Variants in PFKP observed in about 807,000 individuals in gnomAD.
PFKP encodes ATP-dependent 6-phosphofructokinase, platelet type.
Under a neutral mutation model 94.3 loss-of-function variants are expected in PFKP, and 101 were observed. That is an observed-to-expected ratio of 1.07 (90% CI 0.91 to 1.26). The LOEUF (loss-of-function observed/expected upper bound fraction) is 1.26, where lower values mean the gene tolerates loss of function less well. PFKP is among the 50% of genes most tolerant of loss of function. The pLI is 0.00. For missense variants in PFKP, 1,145 were observed against 1,103.3 expected, an observed-to-expected ratio of 1.04 and a Z score of -0.53; for synonymous variants, 573 against 432.6, an observed-to-expected ratio of 1.32 and a Z score of -4.03.
intron 20 of PFKP, among the ~76,000 whole-genome samples, 198 bp from the exon 21 acceptor site, chr10:3,135,538 G>C (rs2306315): frequency 1.3e-5 from 2 of 151,936 alleles, no homozygotes; most frequent in Non-Finnish European, 2.9e-5. Flanking sequence ...GGAAGCCCTC[G>C]GGGCAGTCCC....
intron 16 of PFKP, 127 bp from the exon 17 acceptor site, chr10:3,129,692 G>A (rs920163933): frequency 6.3e-5 from 61 of 969,608 alleles, no homozygotes; most frequent in Admixed American, 9.7e-5. Flanking sequence ...TCACCTCTGC[G>A]GGATGCTGGG....
intron 16 of PFKP, among the ~76,000 whole-genome samples, chr10:3,122,700 A>G (rs6602029): frequency 0.71 from 107,912 of 152,114 alleles, 38,387 homozygotes; most frequent in South Asian, 0.77. Flanking sequence ...GACTCATGGC[A>G]TGGCCCTGGG....
In PFKP at chr10:3,069,461, G is replaced by A. The variant is rs562748252; in HGVS notation, c.112+1754G>A. The A allele has an allele frequency of 4.0e-5, 56 of 1,409,546 alleles. No homozygotes were observed. In the South Asian group the frequency reaches 6.7e-4, roughly 17 times the overall value. 87.3% of individuals were successfully genotyped at this position (1,409,546 alleles called of 1,614,324 possible). On this transcript the variant is annotated intron_variant, in intron 1 of 21. Coordinates refer to ENST00000381125, the MANE Select transcript of PFKP (RefSeq NM_002627.5). ...TCTCAGTCAAAGGCCTTCAGAAGCA[G>A]AGGGAGCACCTTGAGTGACCTTACC...
rs375484233 is a variant in PFKP, at chr10:3,129,858, C to T, written c.1723C>T (p.Arg575Trp). The T allele has an allele frequency of 1.2e-5, 20 of 1,613,630 alleles. No homozygotes were observed. The highest frequency in any genetic ancestry group is 3.3e-5 in the Admixed American group (2 of 60,020). Residue 575 changes from arginine to tryptophan, a missense_variant, in exon 17 of 22, where the codon CGG becomes TGG. Arg to Trp is a moderately radical substitution (Grantham distance 101). This residue lies in a region of PFKP where 1,119 missense variants were observed against 1,062.8 expected (regional missense o/e 1.05). Transcript: ENST00000381125. ...RIKQSASGTKRRVFIIETMGG... is the reference protein window; with the variant it reads ...RIKQSASGTKWRVFIIETMGG... ...CAAGCAGTCCGCCAGCGGAACCAAGCGGCGCGTGTTCATCATCGAGACCAT... is the reference window on the plus strand; with the variant it reads ...CAAGCAGTCCGCCAGCGGAACCAAGTGGCGCGTGTTCATCATCGAGACCAT...
chr10:3,132,896 G>C (rs9423487), intron 18 of PFKP, among the ~76,000 whole-genome samples: 107,345 of 152,046 alleles, frequency 0.71, 38,025 homozygotes, highest in East Asian at 0.74. Context: ...AGGGATGATT[G>C]ACGTTCTGGG....
At chr10:3,135,917 C>G (rs570871048) in intron 21 of PFKP, 79 bp downstream of exon 21, 1 of 843,590 alleles carries the variant, frequency 1.2e-6, no homozygotes, top group Non-Finnish European at 2.0e-6. Flanking sequence ...CTGTTGCTGT[C>G]GGCAACTCAT....
Position 3,134,563 on chromosome 10 carries a change from CAAG to C in PFKP, c.2104_2106del (p.Lys702del), listed in dbSNP as rs1440862470. ...CTATGGAGTGGATCACTGCAAAACT[CAAG>C]GAGGCCCGGGGCAGAGGTAAGGGGT... On this transcript the variant is annotated inframe_deletion, in exon 20 of 22. Transcript: ENST00000381125. 4 of 1,613,216 alleles carry C rather than the reference CAAG, an allele frequency of 2.5e-6. No individual in the cohort carries two copies. The highest frequency in any genetic ancestry group is 3.4e-6 in the Non-Finnish European group (4 of 1,179,220).
At chr10:3,110,194 T>TTTAATTAA (rs377514377) in intron 10 of PFKP, among the ~76,000 whole-genome samples, 202 of 151,180 alleles carry the variant, frequency 1.3e-3, no homozygotes, top group African/African-American at 4.9e-3. Context: ...TTTGAAGTTA[T>TTTAATTAA]TTAATTAATT....
In PFKP at chr10:3,136,683, CCTAATCGGCGA is replaced by C; in HGVS notation, c.*105_*115del. 2 of 1,294,582 alleles carry C rather than the reference CCTAATCGGCGA, an allele frequency of 1.5e-6. No homozygotes were observed. Among genetic ancestry groups the C allele is most frequent in the Non-Finnish European group, 2.1e-6 (2 of 933,812 alleles). The allele number at this position is 1,294,582 out of a possible 1,614,324, so 80.2% of individuals were successfully genotyped here. On this transcript the variant is annotated 3_prime_UTR_variant, in exon 22 of 22. Coordinates refer to ENST00000381125, the MANE Select transcript of PFKP (RefSeq NM_002627.5). Reference sequence around the variant, plus strand: ...TATGCACGTATTATTGACATTAATACCTAATCGGCGAGTGCCCATCTGCCCCACCTGCTCCA... The same window carrying C: ...TATGCACGTATTATTGACATTAATACGTGCCCATCTGCCCCACCTGCTCCA...
intron 14 of PFKP, among the ~76,000 whole-genome samples, chr10:3,118,447 A>G (rs911133895): frequency 6.6e-6 from 1 of 151,376 alleles, no homozygotes; most frequent in African/African-American, 2.4e-5. Flanking sequence ...CAGCCTGGTA[A>G]CAAAGTGAGA....
intron 4 of PFKP, among the ~76,000 whole-genome samples, chr10:3,102,350 C>T (rs116418086): frequency 0.016 from 2,390 of 151,556 alleles, 66 homozygotes; most frequent in African/African-American, 0.053. Flanking sequence ...AACTTTGGCA[C>T]TACTTAGGAA....
At chr10:3,091,063 TGTC>T (rs1396366413) in intron 2 of PFKP, among the ~76,000 whole-genome samples, 2 of 152,188 alleles carry the variant, frequency 1.3e-5, no homozygotes, top group Non-Finnish European at 2.9e-5. Context: ...GGACCTCTGC[TGTC>T]TGGCCGCTGC....
At chr10:3,082,559 C>T in intron 2 of PFKP, 98 bp downstream of exon 2, 2 of 799,336 alleles carry the variant, frequency 2.5e-6, no homozygotes, top group Non-Finnish European at 3.9e-6. Context: ...CCATGCTGAG[C>T]ACAGCCGAAG....
At chr10:3,076,867 G>A (rs889725637) in intron 1 of PFKP, among the ~76,000 whole-genome samples, 7 of 152,246 alleles carry the variant, frequency 4.6e-5, no homozygotes, top group East Asian at 3.9e-4. Context: ...CCCCCAGTTC[G>A]ATGACTTTGA....
chr10:3,112,840 T>TTACA (rs1836388070), intron 11 of PFKP, among the ~76,000 whole-genome samples: 1 of 152,246 alleles, frequency 6.6e-6, no homozygotes, highest in South Asian at 2.1e-4. Context: ...AGTGCTGGGA[T>TTACA]TACAGGCTTG....
chr10:3,117,528 G>A (rs1490614620), intron 14 of PFKP, among the ~76,000 whole-genome samples: 5 of 152,202 alleles, frequency 3.3e-5, no homozygotes, highest in Admixed American at 6.5e-5. Flanking sequence ...CCGGCTTATT[G>A]TTCCAAGGGA....
chr10:3,097,633 C>A (rs769558633), intron 2 of PFKP, among the ~76,000 whole-genome samples: 1 of 152,124 alleles, frequency 6.6e-6, no homozygotes, highest in Non-Finnish European at 1.5e-5. Context: ...CTGAAATGAA[C>A]CAGCTCTGTT....
intron 16 of PFKP, among the ~76,000 whole-genome samples, chr10:3,128,465 C>T (rs1002915986): frequency 1.3e-5 from 2 of 151,500 alleles, no homozygotes; most frequent in South Asian, 2.1e-4. Context: ...CCCGTGGCCG[C>T]TGTGACACTG....
rs116644350 is a variant in PFKP, at chr10:3,119,163, C to T, written c.1530+294C>T. 4.2e-3 allele frequency among the ~76,000 whole-genome samples: 643 copies of T among 152,258 alleles called. 4 individuals carry two copies. Among genetic ancestry groups the T allele is most frequent in the African/African-American group, 0.015 (605 of 41,542 alleles). ...TTCAGGCCTGTGGAAGTAATTCTATCTCTTGAGTCCAGAGTCCAGTGGCTA... is the reference window on the plus strand; with the variant it reads ...TTCAGGCCTGTGGAAGTAATTCTATTTCTTGAGTCCAGAGTCCAGTGGCTA... On this transcript the variant is annotated intron_variant, in intron 15 of 21. Transcript: ENST00000381125.
Sources: allele counts gnomAD v4.1 joint callset (sites outside exome capture counted in the v4.1 genomes callset), GRCh38; gene constraint gnomAD v4.1.1; regional missense constraint gnomAD v4.1.1; transcripts MANE v1.5; gene names NCBI Gene and HGNC (gene_info 2026-07-23, HGNC 2026-07-21).